The following ANK2 variants were observed in gnomAD, a reference collection of about 807,000 sequenced individuals.
ANK2 encodes the protein ankyrin 2, also known as ankyrin-2.
A neutral mutation model predicts 360.5 loss-of-function variants in ANK2; 83 were observed. That is an observed-to-expected ratio of 0.23 (90% confidence interval 0.19 to 0.28). The LOEUF is 0.28. Ranked by LOEUF, ANK2 falls within the 10% of genes least tolerant of loss-of-function variation. ANK2 has a pLI of 1.00. For missense variants in ANK2, 4,201 were observed against 4,795.7 expected (o/e 0.88, Z 3.66); for synonymous variants, 1,740 against 1,759.5 (o/e 0.99, Z 0.28).
At chr4:112,831,762 G>GT (rs1322160328) in intron 1 of ANK2, among the ~76,000 whole-genome samples, 1 of 152,174 alleles carries the variant, frequency 6.6e-6, no homozygotes, top group Non-Finnish European at 1.5e-5. Context: ...TTTATAAGCT[G>GT]TAACAGTCAC....
At chr4:113,041,821 C>G (rs771797746) in intron 2 of ANK2, among the ~76,000 whole-genome samples, 3 of 152,124 alleles carry the variant, frequency 2.0e-5, no homozygotes, top group African/African-American at 4.8e-5. Context: ...GGCCCAGGTC[C>G]ACTTTCTGGT....
chr4:112,710,903 T>TTATATATATATATATATATA, the ANK2 span, among the ~76,000 whole-genome samples: 1 of 141,292 alleles, frequency 7.1e-6, no homozygotes, highest in African/African-American at 2.6e-5. Context: ...TGAACAGGTT[T>TTATATATATATATATATATA]TATATATATA....
rs117841840 is a variant in ANK2 at position 113,272,042 on chromosome 4, G to A, written c.1486-2410G>A. Reference sequence around the variant, plus strand: ...GGATCGAGCAATCCCAGGGGTCCTAGGCTTAAACTCACTTGAAACTTAGCT... The same window carrying A: ...GGATCGAGCAATCCCAGGGGTCCTAAGCTTAAACTCACTTGAAACTTAGCT... On this transcript the variant is annotated intron_variant, in intron 14 of 45. Transcript: ENST00000357077. Among the ~76,000 whole-genome samples, 52 of 152,314 alleles carry A rather than the reference G, an allele frequency of 3.4e-4. 1 individual carries two copies. In the East Asian group the frequency reaches 9.4e-3, roughly 28 times the overall value.
intron 4 of ANK2, among the ~76,000 whole-genome samples, chr4:113,199,787 A>C (rs1347787750): frequency 6.6e-6 from 1 of 152,134 alleles, no homozygotes; most frequent in African/African-American, 2.4e-5. Context: ...CTCTATTTTT[A>C]GGGTTTTCTC....
chr4:112,884,089 G>A (rs2150502275), intron 1 of ANK2, among the ~76,000 whole-genome samples: 1 of 152,052 alleles, frequency 6.6e-6, no homozygotes, highest in South Asian at 2.1e-4. Flanking sequence ...CAATACTTTT[G>A]ATAAGTAATT....
At chr4:113,203,146 A>T (rs1001630080) in intron 4 of ANK2, among the ~76,000 whole-genome samples, 2 of 152,182 alleles carry the variant, frequency 1.3e-5, no homozygotes, top group Non-Finnish European at 2.9e-5. Flanking sequence ...CTTGCAGAAG[A>T]TCTTTAGTAG....
intron 26 of ANK2, chr4:113,323,772 T>C: frequency 5.6e-6 from 9 of 1,612,090 alleles, no homozygotes; most frequent in Non-Finnish European, 7.6e-6. Flanking sequence ...CGCCTCTCCA[T>C]GTCTTGAACG....
intron 15 of ANK2, among the ~76,000 whole-genome samples, chr4:113,277,063 A>G (rs1395147451): frequency 6.6e-6 from 1 of 152,226 alleles, no homozygotes; most frequent in Non-Finnish European, 1.5e-5. Flanking sequence ...ACTGCTAATT[A>G]CAGAGTAAGG....
chr4:113,105,257 G>A (rs1376073204), intron 1 of ANK2, among the ~76,000 whole-genome samples: 1 of 152,152 alleles, frequency 6.6e-6, no homozygotes, highest in South Asian at 2.1e-4. Context: ...AGATGCAAAA[G>A]TAAATTGGTT....
chr4:112,962,094 A>C (rs1029384153), intron 2 of ANK2, among the ~76,000 whole-genome samples: 1 of 152,088 alleles, frequency 6.6e-6, no homozygotes, highest in Admixed American at 6.6e-5. Flanking sequence ...TTGTTTTTCC[A>C]ACTTTTATTT....
At chr4:112,728,693 C>CAGTCA in the ANK2 span, among the ~76,000 whole-genome samples, 1 of 152,042 alleles carries the variant, frequency 6.6e-6, no homozygotes, top group East Asian at 1.9e-4. Flanking sequence ...GTTGAGGCTG[C>CAGTCA]AGTCAGCTGG....
intron 2 of ANK2, among the ~76,000 whole-genome samples, chr4:112,931,479 G>A (rs556579177): frequency 3.9e-4 from 49 of 127,062 alleles, no homozygotes; most frequent in African/African-American, 1.2e-3. Flanking sequence ...CACTTTCGCC[G>A]AGGCTGGAGT....
chr4:112,971,858 A>T (rs1185936051), intron 2 of ANK2, among the ~76,000 whole-genome samples: 1 of 152,220 alleles, frequency 6.6e-6, no homozygotes, highest in African/African-American at 2.4e-5. Context: ...CAGACATAAC[A>T]TTAAAATCCA....
intron 1 of ANK2, among the ~76,000 whole-genome samples, chr4:112,851,237 G>C (rs2064910016): frequency 6.6e-6 from 1 of 152,214 alleles, no homozygotes; most frequent in Non-Finnish European, 1.5e-5. Context: ...GGGTAGAAGA[G>C]AATGCACCCC....
At chr4:113,098,648 A>G (rs1359085991) in intron 1 of ANK2, among the ~76,000 whole-genome samples, 1 of 152,032 alleles carries the variant, frequency 6.6e-6, no homozygotes, top group African/African-American at 2.4e-5. Flanking sequence ...AATGTCTTCC[A>G]AAAAATGGAG....
At chr4:113,081,631 T>G (rs2082427106) in intron 1 of ANK2, among the ~76,000 whole-genome samples, 1 of 152,176 alleles carries the variant, frequency 6.6e-6, no homozygotes, top group Non-Finnish European at 1.5e-5. Context: ...TCTCCTACTT[T>G]GGAATCAGGG....
intron 2 of ANK2, among the ~76,000 whole-genome samples, chr4:112,937,108 G>A (rs964102514): frequency 2.6e-5 from 4 of 151,806 alleles, no homozygotes; most frequent in African/African-American, 9.7e-5. Flanking sequence ...TAGTTTTTAA[G>A]CACTTTTAAA....
chr4:113,035,151 A>G (rs1200114986), intron 2 of ANK2, among the ~76,000 whole-genome samples: 1 of 151,238 alleles, frequency 6.6e-6, no homozygotes, highest in Non-Finnish European at 1.5e-5. Context: ...ATAAAATGAT[A>G]TGTATCAAAA....
intron 1 of ANK2, among the ~76,000 whole-genome samples, chr4:112,882,980 G>C (rs1435981514): frequency 7.1e-6 from 1 of 141,730 alleles, no homozygotes; most frequent in Non-Finnish European, 1.5e-5. Flanking sequence ...AATGTGCTCC[G>C]TGTGGCTACT....
Sources: allele counts gnomAD v4.1 joint callset (sites outside exome capture counted in the v4.1 genomes callset), GRCh38; gene constraint gnomAD v4.1.1; transcripts MANE v1.5; gene names NCBI Gene and HGNC (gene_info 2026-07-23, HGNC 2026-07-21).